NKIRAS1: variants seen among roughly 807,000 people sequenced by gnomAD.
NKIRAS1 encodes the protein NF-kappa-B inhibitor-interacting Ras-like protein 1.
Under a neutral mutation model 19.8 loss-of-function variants are expected in NKIRAS1, and 16 were observed. The observed-to-expected ratio is 0.81, with a 90% CI of 0.55 to 1.23. NKIRAS1 has a LOEUF of 1.23. NKIRAS1 is among the 50% of genes most tolerant of loss of function. NKIRAS1 has a pLI of 0.00. For missense variants in NKIRAS1, 184 were observed against 220.0 expected (o/e 0.84, Z 1.04); for synonymous variants, 88 against 79.0 (o/e 1.11, Z -0.61).
At chr3:23,931,768 GGAAGTAGCAAAGGGTCAT>G (rs1467685825) in intron 1 of NKIRAS1, among the ~76,000 whole-genome samples, 1 of 152,146 alleles carries the variant, frequency 6.6e-6, no homozygotes, top group Non-Finnish European at 1.5e-5. Context: ...GCGGGTTTCA[GGAAGTAGCAAAGGGTCAT>G]GAGACCCAAA....
chr3:23,921,532 T>C (rs1219064270), upstream of NKIRAS1: 1 of 682,164 alleles, frequency 1.5e-6, no homozygotes, highest in East Asian at 2.7e-5. Context: ...ACTATTTCTA[T>C]ATTGGCATGT....
chr3:23,934,963 G>C (rs1705369173), intron 1 of NKIRAS1, among the ~76,000 whole-genome samples: 1 of 152,128 alleles, frequency 6.6e-6, no homozygotes, highest in African/African-American at 2.4e-5. Context: ...AAATAAGGCT[G>C]TGAGGATTGC....
intron 1 of NKIRAS1, among the ~76,000 whole-genome samples, chr3:23,936,072 G>C (rs995075867): frequency 4.0e-5 from 4 of 99,398 alleles, no homozygotes; most frequent in African/African-American, 1.6e-4. Context: ...GACAGAAAGG[G>C]ACCCTGTCTC....
At chr3:23,933,641 A>G (rs1321226799) in intron 1 of NKIRAS1, among the ~76,000 whole-genome samples, 1 of 150,736 alleles carries the variant, frequency 6.6e-6, no homozygotes, top group African/African-American at 2.4e-5. Context: ...CCCCACTCCT[A>G]CTCCCCACTT....
At chr3:23,931,203 C>T (rs987412205) in intron 1 of NKIRAS1, among the ~76,000 whole-genome samples, 1 of 152,048 alleles carries the variant, frequency 6.6e-6, no homozygotes, top group African/African-American at 2.4e-5. Context: ...TGAAACTCTT[C>T]GTAAAGTTTC....
At chr3:23,897,683 C>T (rs1396462106) in intron 4 of NKIRAS1, among the ~76,000 whole-genome samples, 6 of 152,210 alleles carry the variant, frequency 3.9e-5, no homozygotes, top group African/African-American at 1.4e-4. Context: ...TCCTTCCAGA[C>T]ATCAGCTTTG....
rs1705226386 is a variant in NKIRAS1, at chr3:23,927,164, A to T, written c.-139-15714T>A. Among the ~76,000 whole-genome samples, 1 of 152,190 alleles carries T rather than the reference A, an allele frequency of 6.6e-6. No individual in the cohort carries two copies. Among genetic ancestry groups the T allele is most frequent in the Non-Finnish European group, 1.5e-5 (1 of 68,030 alleles). Reference sequence around the variant, plus strand: ...TTCAACCTATTTTTATATAAGAAAAATAAACTGAAAATAAAGCCTTTTAGT... The same window carrying T: ...TTCAACCTATTTTTATATAAGAAAATTAAACTGAAAATAAAGCCTTTTAGT... On this transcript the variant is annotated intron_variant, in intron 1 of 4. Coordinates refer to the NKIRAS1 transcript ENST00000421515. The surrounding 1 kb of genome is among the most constrained non-coding windows in gnomAD (Gnocchi z 4.0).
rs556791121 is a variant in NKIRAS1, at chr3:23,900,714, C to T, written c.336+94G>A. On this transcript the variant is annotated intron_variant, in intron 4 of 4. Transcript: ENST00000425478. ...AGGTTTTACAGATACTAAGAATATA[C>T]TGTAATGATCTGAAAATAAACTACC... is the stretch of plus-strand genomic sequence containing the variant. 2.4e-4 allele frequency: 203 copies of T among 862,794 alleles called. 6 individuals carry two copies. The South Asian group carries it at 3.1e-3, about 13-fold the overall frequency. The allele number at this position is 862,794 out of a possible 1,614,324, so 53.4% of individuals were successfully genotyped here.
chr3:23,929,601 TG>T (rs200257434), intron 1 of NKIRAS1, among the ~76,000 whole-genome samples: 12,223 of 150,674 alleles, frequency 0.081, 598 homozygotes, highest in East Asian at 0.25. Context: ...TAATTTTTTT[TG>T]TTGTTGTTGT....
At chr3:23,946,200 C>G in intron 1 of NKIRAS1, 2 of 985,386 alleles carry the variant, frequency 2.0e-6, no homozygotes, top group Middle Eastern at 5.2e-4. Flanking sequence ...GGGGCGTCCC[C>G]GAAGCGGGCG....
chr3:23,909,925 C>T (rs1260840842), intron 3 of NKIRAS1, among the ~76,000 whole-genome samples: 2 of 140,340 alleles, frequency 1.4e-5, no homozygotes, highest in African/African-American at 5.3e-5. Context: ...GTGGTGCAAT[C>T]TCAGCTCGCT....
intron 1 of NKIRAS1, among the ~76,000 whole-genome samples, chr3:23,913,758 T>C (rs1704011596): frequency 6.6e-6 from 1 of 152,192 alleles, no homozygotes; most frequent in South Asian, 2.1e-4. Context: ...GGTGGTCATC[T>C]GCAGTACCCT....
chr3:23,945,825 G>C (rs1045791584), intron 1 of NKIRAS1, among the ~76,000 whole-genome samples: 2 of 149,648 alleles, frequency 1.3e-5, no homozygotes, highest in African/African-American at 2.4e-5. Context: ...GCCCGGCCCG[G>C]CCCCCCCCTC....
At chr3:23,925,637 AAAATAAAT>A (rs146116439) in intron 1 of NKIRAS1, among the ~76,000 whole-genome samples, 22 of 151,338 alleles carry the variant, frequency 1.5e-4, no homozygotes, top group Non-Finnish European at 2.8e-4. Flanking sequence ...CTGTCTCAAA[AAAATAAAT>A]AAATAAATAA....
chr3:23,896,291 C>T (rs1575063564), intron 4 of NKIRAS1, among the ~76,000 whole-genome samples: 1 of 151,606 alleles, frequency 6.6e-6, no homozygotes, highest in Admixed American at 6.6e-5. Flanking sequence ...TCAATTTTCT[C>T]CCATTAGCAT....
intron 1 of NKIRAS1, among the ~76,000 whole-genome samples, chr3:23,937,822 T>A (rs1194848534): frequency 6.6e-6 from 1 of 152,200 alleles, no homozygotes; most frequent in Admixed American, 6.5e-5. Context: ...CTTGGCCAGA[T>A]GGTTTCTGTT....
At chr3:23,931,324 A>T (rs1317778798) in intron 1 of NKIRAS1, among the ~76,000 whole-genome samples, 1 of 152,160 alleles carries the variant, frequency 6.6e-6, no homozygotes, top group Non-Finnish European at 1.5e-5. Context: ...CCTCTCTCTC[A>T]AATTTGATTA....
chr3:23,939,351 A>G (rs1371753355), intron 1 of NKIRAS1, among the ~76,000 whole-genome samples: 1 of 152,274 alleles, frequency 6.6e-6, no homozygotes, highest in Non-Finnish European at 1.5e-5. Context: ...TAGTGAATCA[A>G]TAAAGCAAAA....
upstream of NKIRAS1, chr3:23,918,790 G>C (rs1704874675): frequency 1.6e-6 from 1 of 610,642 alleles, no homozygotes; most frequent in Non-Finnish European, 2.8e-6. Context: ...TGGAACCTAA[G>C]CTTTAAAGCG....
Sources: gnomAD v4.1 joint callset for allele counts (sites outside exome capture counted in the v4.1 genomes callset) on GRCh38, gnomAD v4.1.1 for gene constraint, Gnocchi (gnomAD v3.1) non-coding constraint, MANE v1.5 for transcripts, NCBI Gene and HGNC (gene_info 2026-07-23, HGNC 2026-07-21) for gene names.